The following CDC7 variants were observed in gnomAD, a reference collection of about 807,000 sequenced individuals.
The protein encoded by CDC7 is cell division cycle 7-related protein kinase.
Under a neutral mutation model 53.5 loss-of-function variants are expected in CDC7, and 34 were observed. The observed-to-expected ratio is 0.64, with a 90% CI of 0.48 to 0.85. The LOEUF (loss-of-function observed/expected upper bound fraction) is 0.85. Ranked by LOEUF, CDC7 falls within the 40% of genes least tolerant of loss-of-function variation. The pLI is 0.00. For missense variants in CDC7, 594 were observed against 679.7 expected (o/e 0.87, Z 1.40); for synonymous variants, 211 against 222.8 (o/e 0.95, Z 0.47).
intron 11 of CDC7, among the ~76,000 whole-genome samples, chr1:91,520,608 G>T (rs1010176954): frequency 6.6e-6 from 1 of 152,048 alleles, no homozygotes; most frequent in Non-Finnish European, 1.5e-5. Context: ...TTTATTAAAG[G>T]CATGTTTTAC....
At chr1:91,521,548 GA>G (rs1384292273) in intron 11 of CDC7, among the ~76,000 whole-genome samples, 3 of 152,090 alleles carry the variant, frequency 2.0e-5, no homozygotes, top group African/African-American at 4.8e-5. Context: ...TAATACAAGG[GA>G]AAAAAAGTGA....
intron 4 of CDC7, among the ~76,000 whole-genome samples, chr1:91,509,402 G>A (rs967170060): frequency 4.7e-5 from 7 of 147,614 alleles, no homozygotes; most frequent in Middle Eastern, 7.2e-3. Flanking sequence ...CACAACAAAT[G>A]TTCTTATCCA....
intron 2 of CDC7, among the ~76,000 whole-genome samples, chr1:91,504,868 T>G (rs1666902208): frequency 6.6e-6 from 1 of 152,222 alleles, no homozygotes; most frequent in Admixed American, 6.5e-5. Context: ...GTCTGTTATA[T>G]ACATGTACTT....
At chr1:91,506,724 C>T (rs13447483) in intron 2 of CDC7, among the ~76,000 whole-genome samples, 1,752 of 152,158 alleles carry the variant, frequency 0.012, 15 homozygotes, top group South Asian at 0.038. Flanking sequence ...CCAAGGTGGG[C>T]AGATCACTTG....
In CDC7 at chr1:91,513,283, G is replaced by C. The variant is rs1425122525; in HGVS notation, c.798G>C (p.Gln266His). ...GACCCTACACAAATGCACAAATTCAGATTAAACAAGGAAAAGACGGAAAGG... is the reference window on the plus strand; with the variant it reads ...GACCCTACACAAATGCACAAATTCACATTAAACAAGGAAAAGACGGAAAGG... ...VKRPYTNAQI[Q>H]IKQGKDGKEG... is the part of the protein sequence containing the mutation. The change falls in exon 7 of 12, where the codon CAG becomes CAC. Residue 266 changes from glutamine to histidine, a missense_variant. Physicochemically the swap from Gln to His is conservative, Grantham distance 24. Coordinates refer to ENST00000234626, the MANE Select transcript of CDC7 (RefSeq NM_003503.4). The C allele has an allele frequency of 1.9e-6, 3 of 1,612,864 alleles. No homozygotes were observed. Among genetic ancestry groups the C allele is most frequent in the East Asian group, 4.5e-5 (2 of 44,880 alleles).
rs2102418157 is a variant in CDC7 at position 91,525,101 on chromosome 1, T to A, written c.*666T>A. Reference sequence around the variant, plus strand: ...TTCTCTGCCCCTACCTAAAACATTCTCCTCGGAAATTACATGGTGCTGACC... The same window carrying A: ...TTCTCTGCCCCTACCTAAAACATTCACCTCGGAAATTACATGGTGCTGACC... On this transcript the variant is annotated 3_prime_UTR_variant, in exon 12 of 12. Transcript: ENST00000234626. The A allele has an allele frequency of 6.6e-6, 1 of 152,330 alleles. No individual in the cohort carries two copies. Among genetic ancestry groups the A allele is most frequent in the Non-Finnish European group, 1.5e-5 (1 of 68,038 alleles). The allele number at this position is 152,330 out of a possible 1,614,324, so 9.4% of individuals were successfully genotyped here. A position where few individuals can be genotyped will look rare whatever the true frequency, so the allele number is the denominator to read the frequency against.
intron 2 of CDC7, among the ~76,000 whole-genome samples, chr1:91,503,916 G>C (rs1280729551): frequency 6.6e-6 from 1 of 151,670 alleles, no homozygotes; most frequent in Non-Finnish European, 1.5e-5. Flanking sequence ...CTTGAATATT[G>C]CTCATGTAGT....
chr1:91,513,051 C>G lies in CDC7; in HGVS notation c.573-7C>G. 1.2e-6 allele frequency: 2 copies of G among 1,610,944 alleles called. No individual in the cohort carries two copies. Among genetic ancestry groups the G allele is most frequent in the Non-Finnish European group, 1.7e-6 (2 of 1,178,428 alleles). ...GATAAGTAAAAATGCTTAATTTTGT[C>G]TCTTAGGTATGCCTTGGTAGACTTT... On this transcript the variant is annotated splice_region_variant and splice_polypyrimidine_tract_variant and intron_variant, in intron 6 of 11. Transcript: ENST00000234626.
At chr1:91,501,470 G>C in intron 1 of CDC7, 184 bp from the exon 2 acceptor site, 1 of 400,736 alleles carries the variant, frequency 2.5e-6, no homozygotes, top group Non-Finnish European at 4.5e-6. Context: ...CCCCCTGCCG[G>C]TGTTTCTGAT....
intron 2 of CDC7, among the ~76,000 whole-genome samples, chr1:91,507,399 C>A (rs1003329442): frequency 6.6e-6 from 1 of 152,118 alleles, no homozygotes; most frequent in African/African-American, 2.4e-5. Flanking sequence ...CTTTAGTAGG[C>A]CTTCTCTCTG....
intron 11 of CDC7, among the ~76,000 whole-genome samples, chr1:91,523,377 A>G (rs13447554): frequency 3.7e-4 from 56 of 152,336 alleles, no homozygotes; most frequent in Non-Finnish European, 7.3e-4. Flanking sequence ...AGTCCAACAG[A>G]CATTAACTGA....
In CDC7 at chr1:91,515,685, A is replaced by G. The variant is rs1199329875; in HGVS notation, c.1098-109A>G. 4 of 1,240,766 alleles carry G rather than the reference A, an allele frequency of 3.2e-6. No individual in the cohort carries two copies. The South Asian group carries it at 5.9e-5, about 18-fold the overall frequency. The allele number at this position is 1,240,766 out of a possible 1,614,324, so 76.9% of individuals were successfully genotyped here. Reference sequence around the variant, plus strand: ...CATTTACTTTATAGTAACACTTATTATATAGGTATCAAGGCAAAATTTACT... The same window carrying G: ...CATTTACTTTATAGTAACACTTATTGTATAGGTATCAAGGCAAAATTTACT... On this transcript the variant is annotated intron_variant, in intron 9 of 11. Coordinates refer to ENST00000234626, the MANE Select transcript of CDC7 (RefSeq NM_003503.4).
chr1:91,513,018 T>C (rs375690641), intron 6 of CDC7, 40 bp from the exon 7 acceptor site: 1 of 1,582,590 alleles, frequency 6.3e-7, no homozygotes, highest in African/African-American at 1.4e-5. Context: ...TAAGCTTTAA[T>C]TGCTACAGAT....
At chr1:91,501,511 G>A (rs756158080) in intron 1 of CDC7, 143 bp from the exon 2 acceptor site, 126 of 526,212 alleles carry the variant, frequency 2.4e-4, no homozygotes, top group Admixed American at 1.9e-4. Context: ...GAATTCCTTA[G>A]ACAAGGCCAC....
At chr1:91,519,992 A>G in intron 10 of CDC7, 138 bp from the exon 11 acceptor site, 3 of 574,418 alleles carry the variant, frequency 5.2e-6, no homozygotes, top group Non-Finnish European at 8.3e-6. Flanking sequence ...TGTTCAATCA[A>G]AATCTTTGGG....
chr1:91,523,378 C>T (rs1242438991), intron 11 of CDC7, among the ~76,000 whole-genome samples: 4 of 152,162 alleles, frequency 2.6e-5, no homozygotes, highest in African/African-American at 4.8e-5. Flanking sequence ...GTCCAACAGA[C>T]ATTAACTGAC....
At chr1:91,506,879 G>A (rs1444124578) in intron 2 of CDC7, among the ~76,000 whole-genome samples, 2 of 152,138 alleles carry the variant, frequency 1.3e-5, no homozygotes, top group Non-Finnish European at 2.9e-5. Context: ...GAACGCAGGA[G>A]GCAGAGGTTG....
chr1:91,500,873 A>C lies in CDC7; in HGVS notation c.-139A>C, dbSNP rs540458000. 1 of 152,138 alleles carries C rather than the reference A, an allele frequency of 6.6e-6. No individual in the cohort carries two copies. Among genetic ancestry groups the C allele is most frequent in the African/African-American group, 2.4e-5 (1 of 41,494 alleles). 9.4% of individuals were successfully genotyped at this position (152,138 alleles called of 1,614,324 possible). A position where few individuals can be genotyped will look rare whatever the true frequency, so the allele number is the denominator to read the frequency against. On this transcript the variant is annotated 5_prime_UTR_variant, in exon 1 of 12. Coordinates refer to ENST00000234626, the MANE Select transcript of CDC7 (RefSeq NM_003503.4). ...AGTGTTGCGCAGGCGCATCCGATCG[A>C]CTCGGTAGGTGGGGATCTCTTGGAG...
intron 2 of CDC7, among the ~76,000 whole-genome samples, chr1:91,503,538 G>A (rs573148469): frequency 2.5e-4 from 38 of 152,310 alleles, no homozygotes; most frequent in African/African-American, 8.9e-4. Context: ...GCTTAACAGT[G>A]TCCAGCACAT....
Sources: allele counts gnomAD v4.1 joint callset (sites outside exome capture counted in the v4.1 genomes callset), GRCh38; gene constraint gnomAD v4.1.1; transcripts MANE v1.5; gene names NCBI Gene and HGNC (gene_info 2026-07-23, HGNC 2026-07-21).